NSUN6: variants seen among roughly 807,000 people sequenced by gnomAD.
The protein encoded by NSUN6 is NOP2/Sun RNA methyltransferase 6.
Under a neutral mutation model 58.0 loss-of-function variants are expected in NSUN6, and 64 were observed. The ratio of observed to expected loss-of-function variants is 1.10; its 90% CI spans 0.90 to 1.36. The LOEUF (loss-of-function observed/expected upper bound fraction) is 1.36, where lower values mean the gene tolerates loss of function less well. Ranked by LOEUF, NSUN6 falls within the 40% of genes most tolerant of loss-of-function variation. The pLI, the probability that NSUN6 is intolerant of heterozygous loss-of-function variation, is 0.00. For synonymous variants in NSUN6, 231 were observed against 193.9 expected (o/e 1.19, Z -1.59); for missense variants, 701 against 550.1 (o/e 1.27, Z -2.74).
chr10:18,638,706 T>C (rs976971702), intron 3 of NSUN6, among the ~76,000 whole-genome samples: 4 of 152,098 alleles, frequency 2.6e-5, no homozygotes, highest in Non-Finnish European at 4.4e-5. Context: ...CTCAGCCAAC[T>C]TGTTGTATAA....
At chr10:18,584,939 A>T (rs1344312016) in intron 8 of NSUN6, among the ~76,000 whole-genome samples, 2 of 151,890 alleles carry the variant, frequency 1.3e-5, no homozygotes, top group African/African-American at 2.4e-5. Flanking sequence ...ACTCAGTAAA[A>T]CTATCTCTCA....
chr10:18,600,941 A>AATATATATATAT (rs1170475510), intron 6 of NSUN6, among the ~76,000 whole-genome samples: 1 of 43,532 alleles, frequency 2.3e-5, no homozygotes, highest in African/African-American at 8.0e-5. Context: ...AAAAAAAAAA[A>AATATATATATAT]ATATATATAT....
At chr10:18,605,616 A>C (rs2058021397) in intron 6 of NSUN6, among the ~76,000 whole-genome samples, 1 of 152,324 alleles carries the variant, frequency 6.6e-6, no homozygotes, top group African/African-American at 2.4e-5. Context: ...GTTGTGGTGA[A>C]ATCAGTTGGC....
chr10:18,579,071 A>G lies in NSUN6; in HGVS notation c.922+6878T>C, dbSNP rs142205083. Reference sequence around the variant, plus strand: ...AGGATCACCAGAATGACCCCCAGACATACCTGGCGTGAGTGAAGTTTCTTT... The same window carrying G: ...AGGATCACCAGAATGACCCCCAGACGTACCTGGCGTGAGTGAAGTTTCTTT... On this transcript the variant is annotated intron_variant, in intron 8 of 10. Transcript: ENST00000377304. Among the ~76,000 whole-genome samples the G allele has an allele frequency of 1.6e-3, 248 of 152,360 alleles. 1 individual carries two copies. The highest frequency in any genetic ancestry group is 5.8e-3 in the African/African-American group (242 of 41,596).
intron 8 of NSUN6, among the ~76,000 whole-genome samples, chr10:18,567,799 TCATTCCATTCTCCATTCCATTCCTTTA>T (rs1193919305): frequency 6.7e-6 from 1 of 149,134 alleles, no homozygotes; most frequent in Non-Finnish European, 1.5e-5. Flanking sequence ...TCTACATTCT[TCATTCCATTCTCCATTCCATTCCTTTA>T]CATTCCATTC....
At chr10:18,634,857 TAAAG>T (rs2059160363) in intron 3 of NSUN6, among the ~76,000 whole-genome samples, 1 of 151,812 alleles carries the variant, frequency 6.6e-6, no homozygotes, top group Non-Finnish European at 1.5e-5. Context: ...AAAAAAAAGT[TAAAG>T]TAACAGGCTG....
At chr10:18,628,515 T>C (rs927307707) in intron 3 of NSUN6, among the ~76,000 whole-genome samples, 1 of 152,132 alleles carries the variant, frequency 6.6e-6, no homozygotes, top group African/African-American at 2.4e-5. Flanking sequence ...GAAAAAAGTT[T>C]AGAAGAATCT....
intron 3 of NSUN6, among the ~76,000 whole-genome samples, chr10:18,639,093 A>C (rs2059315578): frequency 6.6e-6 from 1 of 152,134 alleles, no homozygotes; most frequent in Non-Finnish European, 1.5e-5. Context: ...CGTCTCAAAC[A>C]AACAAACAAA....
At chr10:18,629,932 C>G (rs2058966894) in intron 3 of NSUN6, among the ~76,000 whole-genome samples, 1 of 150,568 alleles carries the variant, frequency 6.6e-6, no homozygotes, top group African/African-American at 2.4e-5. Flanking sequence ...ACTCTCCACC[C>G]CAAATCAACA....
intron 3 of NSUN6, among the ~76,000 whole-genome samples, chr10:18,635,452 T>A (rs1378313584): frequency 1.3e-5 from 2 of 152,122 alleles, no homozygotes; most frequent in African/African-American, 2.4e-5. Context: ...GCTGCCTTTA[T>A]AACAGAGAAT....
intron 8 of NSUN6, among the ~76,000 whole-genome samples, chr10:18,571,564 C>T (rs1421509675): frequency 6.6e-6 from 1 of 151,090 alleles, no homozygotes; most frequent in Non-Finnish European, 1.5e-5. Flanking sequence ...ATTCTCCATT[C>T]CATGTCTATT....
chr10:18,599,613 A>C (rs559413283), intron 6 of NSUN6, among the ~76,000 whole-genome samples: 1 of 152,284 alleles, frequency 6.6e-6, no homozygotes, highest in South Asian at 2.1e-4. Flanking sequence ...ACTGATTACC[A>C]CATAGCTGCA....
At chr10:18,580,436 C>T (rs1727935025) in intron 8 of NSUN6, among the ~76,000 whole-genome samples, 1 of 152,146 alleles carries the variant, frequency 6.6e-6, no homozygotes, top group African/African-American at 2.4e-5. Flanking sequence ...GAGGGACAGG[C>T]TTGTCAGCTT....
intron 3 of NSUN6, among the ~76,000 whole-genome samples, chr10:18,629,459 C>A (rs991930925): frequency 2.7e-5 from 4 of 150,040 alleles, no homozygotes; most frequent in Admixed American, 1.3e-4. Context: ...CACAGACTGG[C>A]AAATTGGATA....
chr10:18,626,978 A>C (rs536333025), intron 3 of NSUN6, among the ~76,000 whole-genome samples: 2 of 152,314 alleles, frequency 1.3e-5, no homozygotes, highest in East Asian at 3.9e-4. Flanking sequence ...AATTCCTTAA[A>C]ATTACAAATT....
chr10:18,570,158 A>C (rs11818093), intron 8 of NSUN6, among the ~76,000 whole-genome samples: 52,426 of 147,748 alleles, frequency 0.35, 9,651 homozygotes, highest in East Asian at 0.74. Flanking sequence ...TCCATTCTCC[A>C]TTCCATTCCA....
chr10:18,589,830 C>T (rs567948881), intron 7 of NSUN6, among the ~76,000 whole-genome samples: 1 of 152,288 alleles, frequency 6.6e-6, no homozygotes, highest in Admixed American at 6.5e-5. Context: ...ACCAACGACA[C>T]TATGAAGAAA....
chr10:18,609,191 G>C (rs1171714565), intron 6 of NSUN6, among the ~76,000 whole-genome samples: 3 of 152,042 alleles, frequency 2.0e-5, no homozygotes, highest in Admixed American at 1.3e-4. Flanking sequence ...CACACCTGTG[G>C]TCCCAACTAT....
chr10:18,640,486 C>G (rs2059357854), intron 3 of NSUN6, among the ~76,000 whole-genome samples: 2 of 152,158 alleles, frequency 1.3e-5, no homozygotes, highest in Admixed American at 6.5e-5. Flanking sequence ...TAAATAAGTA[C>G]AATTTTGCAT....
Sources: allele counts gnomAD v4.1 joint callset (sites outside exome capture counted in the v4.1 genomes callset), GRCh38; gene constraint gnomAD v4.1.1; transcripts MANE v1.5; gene names NCBI Gene and HGNC (gene_info 2026-07-23, HGNC 2026-07-21).